Variants in PVR observed in about 807,000 individuals in gnomAD.
PVR encodes poliovirus receptor.
Under a neutral mutation model 43.3 loss-of-function variants are expected in PVR, and 39 were observed. The ratio of observed to expected loss-of-function variants is 0.90; its 90% CI spans 0.70 to 1.18. The LOEUF (loss-of-function observed/expected upper bound fraction) is 1.18, where lower values mean the gene tolerates loss of function less well. PVR is among the 50% of genes most tolerant of loss of function. PVR has a pLI of 0.00. For synonymous variants in PVR, 224 were observed against 233.2 expected (o/e 0.96, Z 0.36); for missense variants, 480 against 549.7 (o/e 0.87, Z 1.27).
At position 44,665,124 on chromosome 19, in the gene PVR, GAAAACCGCAACT is replaced by G. The variant is rs1973678802; in HGVS notation, c.*3315_*3326del. 6.6e-6 allele frequency: 1 copy of G among 152,026 alleles called. No individual in the cohort carries two copies. The highest frequency in any genetic ancestry group is 2.4e-5 in the African/African-American group (1 of 41,414). The allele number at this position is 152,026 out of a possible 1,614,324, so 9.4% of individuals were successfully genotyped here. A position where few individuals can be genotyped will look rare whatever the true frequency, so the allele number is the denominator to read the frequency against. On this transcript the variant is annotated 3_prime_UTR_variant, in exon 8 of 8. Transcript: ENST00000425690. Reference sequence around the variant, plus strand: ...TTGTATAAACTTATAGTAAGGTTAAGAAAACCGCAACTATCCTTATCAGAGACTTGGCGGGGG... The same window carrying G: ...TTGTATAAACTTATAGTAAGGTTAAGATCCTTATCAGAGACTTGGCGGGGG...
At chr19:44,661,166 A>G (rs982323646) in intron 6 of PVR, 126 bp from the exon 7 acceptor site, 1 of 843,794 alleles carries the variant, frequency 1.2e-6, no homozygotes, top group Admixed American at 1.9e-5. Flanking sequence ...ATTAAGGGAA[A>G]TGGCACCCCC....
intron 3 of PVR, among the ~76,000 whole-genome samples, chr19:44,652,162 A>G (rs1185418005): frequency 6.6e-6 from 1 of 152,158 alleles, no homozygotes; most frequent in African/African-American, 2.4e-5. Context: ...TCTCAAAAAC[A>G]AGAAAAGAAA....
chr19:44,661,092 A>AT (rs1973578287), intron 6 of PVR, among the ~76,000 whole-genome samples, 200 bp from the exon 7 acceptor site: 1 of 152,206 alleles, frequency 6.6e-6, no homozygotes. Flanking sequence ...AACCAAGTGA[A>AT]TAACTGGATG....
chr19:44,644,161 C>G lies in PVR; in HGVS notation c.65C>G (p.Pro22Arg). Residue 22 changes from proline (P) to arginine (R), a missense_variant, in exon 1 of 8, where the codon CCA becomes CGA. Physicochemically the swap from Pro to Arg is moderately radical, Grantham distance 103. Transcript: ENST00000425690. Reference protein sequence around the residue: ...LLVALLVLSWPPPGTGDVVVQ... With the variant: ...LLVALLVLSWRPPGTGDVVVQ... ...GTGGCGCTACTGGTGCTGTCCTGGC[C>G]ACCCCCAGGAACCGGTGAGTGACCC... 1.3e-6 allele frequency: 2 copies of G among 1,510,288 alleles called. No homozygotes were observed. Among genetic ancestry groups the G allele is most frequent in the Non-Finnish European group, 1.8e-6 (2 of 1,134,730 alleles). The allele number at this position is 1,510,288 out of a possible 1,614,324, so 93.6% of individuals were successfully genotyped here.
intron 1 of PVR, among the ~76,000 whole-genome samples, chr19:44,644,719 CTTT>C (rs11362724): frequency 7.4e-6 from 1 of 135,928 alleles, no homozygotes; most frequent in Non-Finnish European, 1.6e-5. Context: ...TTCTTTCATT[CTTT>C]TTTTTTTTTT....
chr19:44,662,227 AGAG>A lies in PVR; in HGVS notation c.*417_*419del. On this transcript the variant is annotated 3_prime_UTR_variant, in exon 8 of 8. Transcript: ENST00000425690. ...AGAAGTACTGCCAATACTGCCAACC[AGAG>A]CAGCTCACTCGAGATCTTTGTGTCC... 1 of 191,174 alleles carries A rather than the reference AGAG, an allele frequency of 5.2e-6. No individual in the cohort carries two copies. Among genetic ancestry groups the A allele is most frequent in the South Asian group, 1.2e-4 (1 of 8,302 alleles). 11.8% of individuals were successfully genotyped at this position (191,174 alleles called of 1,614,324 possible). A position where few individuals can be genotyped will look rare whatever the true frequency, so the allele number is the denominator to read the frequency against.
intron 1 of PVR, 105 bp from the exon 2 acceptor site, chr19:44,647,103 CACCGGGGATCCAGGG>C: frequency 4.7e-6 from 3 of 633,962 alleles, no homozygotes; most frequent in Non-Finnish European, 7.8e-6. Context: ...CCCCACGGTC[CACCGGGGATCCAGGG>C]CCCCAGCGTG....
At chr19:44,657,673 G>C in intron 4 of PVR, 89 bp from the exon 5 acceptor site, 1 of 1,397,996 alleles carries the variant, frequency 7.2e-7, no homozygotes, top group Non-Finnish European at 1.0e-6. Context: ...TAGAGGGCGT[G>C]AGGGTTTCTG....
chr19:44,645,404 A>G, intron 1 of PVR, among the ~76,000 whole-genome samples: 1 of 65,942 alleles, frequency 1.5e-5, no homozygotes, highest in South Asian at 6.2e-4. Flanking sequence ...TTATTTATTT[A>G]TATGTTTTGT....
chr19:44,653,792 T>G (rs756026373), intron 3 of PVR, 108 bp from the exon 4 acceptor site: 10 of 767,550 alleles, frequency 1.3e-5, no homozygotes, highest in Admixed American at 1.9e-5. Context: ...CAGCTCCCGC[T>G]GTTTTCCAAA....
In PVR at chr19:44,647,303, C is replaced by A; in HGVS notation, c.160C>A (p.Pro54Thr). The A allele has an allele frequency of 6.2e-7, 1 of 1,601,522 alleles. No homozygotes were observed. ...GACGCTGCCCTGCTACCTACAGGTGCCCAACATGGAGGTGACGCATGTGTC... is the reference window on the plus strand; with the variant it reads ...GACGCTGCCCTGCTACCTACAGGTGACCAACATGGAGGTGACGCATGTGTC... Reference protein sequence around the residue: ...SVTLPCYLQVPNMEVTHVSQL... With the variant: ...SVTLPCYLQVTNMEVTHVSQL... Residue 54 changes from proline (P) to threonine (T), a missense_variant, in exon 2 of 8, where the codon CCC becomes ACC. By Grantham distance (38) the Pro-to-Thr change is conservative. Transcript: ENST00000425690.
At position 44,658,752 on chromosome 19, in the gene PVR, C is replaced by A; in HGVS notation, c.1002C>A (p.Pro334=). The A allele has an allele frequency of 6.2e-7, 1 of 1,608,100 alleles. No homozygotes were observed. Among genetic ancestry groups the A allele is most frequent in the African/African-American group, 1.3e-5 (1 of 74,864 alleles). ...ELTVQVKEGP[P]SEHSGMSRNA... ...TTCCTTCTCTTTCAGAGGGACCTCC[C>A]AGTGAGCACTCAGGCATGTCCCGTA... The change falls in exon 6 of 8, where the codon CCC becomes CCA. Residue 334 remains proline (P), a synonymous_variant. Transcript: ENST00000425690.
intron 4 of PVR, among the ~76,000 whole-genome samples, chr19:44,656,040 G>C (rs1973437123): frequency 6.6e-6 from 1 of 151,380 alleles, no homozygotes; most frequent in Admixed American, 6.6e-5. Context: ...TGGCTAACCT[G>C]GCCCCTTTTT....
At position 44,664,396 on chromosome 19, in the gene PVR, G is replaced by C. The variant is rs1378426990; in HGVS notation, c.*2585G>C. The C allele has an allele frequency of 6.6e-6, 1 of 152,044 alleles. No individual in the cohort carries two copies. The highest frequency in any genetic ancestry group is 1.9e-4 in the East Asian group (1 of 5,186). 9.4% of individuals were successfully genotyped at this position (152,044 alleles called of 1,614,324 possible). A position where few individuals can be genotyped will look rare whatever the true frequency, so the allele number is the denominator to read the frequency against. ...GCTAAATCTCTTTTTAACTTTTGTA[G>C]AGATAGGCATCTCGCTATGTTGCCT... On this transcript the variant is annotated 3_prime_UTR_variant, in exon 8 of 8. Coordinates refer to ENST00000425690, the MANE Select transcript of PVR (RefSeq NM_006505.5).
Position 44,661,295 on chromosome 19 carries a change from C to G in PVR, c.1154C>G (p.Thr385Arg). 6.2e-7 allele frequency: 1 copy of G among 1,613,842 alleles called. No homozygotes were observed. The change falls in exon 7 of 8, where the codon ACA (threonine) becomes AGA (arginine). Residue 385 changes from threonine to arginine, a missense_variant. Transcript: ENST00000425690. Reference protein sequence around the residue: ...LWHCHLCPSSTEHASASANGH... With the variant: ...LWHCHLCPSSREHASASANGH... ...ACTTCCCCTCCTATTTCCCCAGGTA[C>G]AGAGCATGCCAGCGCCTCAGCTAAT...
chr19:44,660,844 G>C (rs1430407758), intron 6 of PVR, among the ~76,000 whole-genome samples: 3 of 152,134 alleles, frequency 2.0e-5, no homozygotes, highest in African/African-American at 7.2e-5. Flanking sequence ...ATTTTTATCT[G>C]TTTTGTTCAC....
rs1382448855 is a variant in PVR, at chr19:44,665,297, T to TG, written c.*3489dup. On this transcript the variant is annotated 3_prime_UTR_variant, in exon 8 of 8. Coordinates refer to ENST00000425690, the MANE Select transcript of PVR (RefSeq NM_006505.5). Reference sequence around the variant, plus strand: ...GGAGCTGTGAGGTCCCAGAAGCCTCTGGGTTGCAGATTGCTTGGGGTGAAA... The same window carrying TG: ...GGAGCTGTGAGGTCCCAGAAGCCTCTGGGGTTGCAGATTGCTTGGGGTGAAA... The TG allele has an allele frequency of 6.6e-6, 1 of 152,076 alleles. No individual in the cohort carries two copies. Among genetic ancestry groups the TG allele is most frequent in the Non-Finnish European group, 1.5e-5 (1 of 68,020 alleles). 9.4% of individuals were successfully genotyped at this position (152,076 alleles called of 1,614,324 possible). A position where few individuals can be genotyped will look rare whatever the true frequency, so the allele number is the denominator to read the frequency against.
intron 2 of PVR, among the ~76,000 whole-genome samples, chr19:44,648,486 C>A (rs1056839519): frequency 6.6e-6 from 1 of 151,670 alleles, no homozygotes; most frequent in Non-Finnish European, 1.5e-5. Flanking sequence ...AAAAACTGAC[C>A]CTTTTTTTTT....
rs1211205007 is a variant in PVR, at chr19:44,644,103, C to G, written c.7C>G (p.Arg3Gly). Residue 3 changes from arginine to glycine, a missense_variant, in exon 1 of 8, where the codon CGA becomes GGA. Arg to Gly is a moderately radical substitution (Grantham distance 125, BLOSUM62 -2). Coordinates refer to ENST00000425690, the MANE Select transcript of PVR (RefSeq NM_006505.5). MA[R>G]AMAAAWPLLL... ...GCTGCTCGGAGCAACTGGCATGGCC[C>G]GAGCCATGGCCGCCGCGTGGCCGCT... 13 of 1,516,716 alleles carry G rather than the reference C, an allele frequency of 8.6e-6. No homozygotes were observed. The highest frequency in any genetic ancestry group is 8.5e-5 in the South Asian group (7 of 82,142). The allele number at this position is 1,516,716 out of a possible 1,614,324, so 94.0% of individuals were successfully genotyped here. A position where few individuals can be genotyped will look rare whatever the true frequency, so the allele number is the denominator to read the frequency against.
Sources: gnomAD v4.1 joint callset for allele counts (sites outside exome capture counted in the v4.1 genomes callset) on GRCh38, gnomAD v4.1.1 for gene constraint, MANE v1.5 for transcripts, NCBI Gene and HGNC (gene_info 2026-07-23, HGNC 2026-07-21) for gene names.